ZNF446: variants seen among roughly 807,000 people sequenced by gnomAD.
The protein encoded by ZNF446 is zinc finger protein 446.
In ZNF446, 42 loss-of-function variants were observed where a neutral mutation model predicts 34.0. The observed-to-expected ratio is 1.23, with a 90% CI of 0.96 to 1.60. ZNF446 has a LOEUF of 1.60. Among genes scored for constraint, ZNF446 ranks in the 40% most tolerant of loss-of-function variants. ZNF446 has a pLI of 0.00. For missense variants in ZNF446, 650 were observed against 600.2 expected, an observed-to-expected ratio of 1.08 and a Z score of -0.87; for synonymous variants, 315 against 251.0, an observed-to-expected ratio of 1.25 and a Z score of -2.41.
chr19:58,480,180 TGA>T lies in ZNF446; in HGVS notation c.811_812del (p.Ser271Ter). 6.3e-7 allele frequency: 1 copy of T among 1,591,766 alleles called. No individual in the cohort carries two copies. The highest frequency in any genetic ancestry group is 2.2e-5 in the East Asian group (1 of 44,634). On this transcript the variant is annotated frameshift_variant, in exon 7 of 7. Coordinates refer to ENST00000594369, the MANE Select transcript of ZNF446 (RefSeq NM_017908.4). LOFTEE classifies it low-confidence loss of function (END_TRUNC). The surrounding 1 kb of genome is among the most constrained non-coding windows in gnomAD (Gnocchi z 7.2). ...GVCRSLRSGN[E>X]SEGPPGCPEA... is the part of the protein sequence containing the mutation. ...CTGGTTTGCCCCTGCCCCCAGGAAA[TGA>T]GAGTGAGGGTCCACCTGGCTGCCCA...
At chr19:58,479,808 CTG>C (rs747980355) in intron 5 of ZNF446, 81 bp downstream of exon 5, 2 of 1,498,634 alleles carry the variant, frequency 1.3e-6, no homozygotes, top group Non-Finnish European at 1.8e-6. Flanking sequence ...GGCAGGGCCT[CTG>C]TGCTACCAGC....
At position 58,479,496 on chromosome 19, in the gene ZNF446, A is replaced by C. The variant is rs150738763; in HGVS notation, c.628-147A>C. 3.1e-4 allele frequency: 246 copies of C among 804,340 alleles called. 1 individual carries two copies. The South Asian group carries it at 4.1e-3, about 14-fold the overall frequency. 49.8% of individuals were successfully genotyped at this position (804,340 alleles called of 1,614,324 possible). A position where few individuals can be genotyped will look rare whatever the true frequency, so the allele number is the denominator to read the frequency against. On this transcript the variant is annotated intron_variant, in intron 4 of 6. Coordinates refer to ENST00000594369, the MANE Select transcript of ZNF446 (RefSeq NM_017908.4). Reference sequence around the variant, plus strand: ...TGAAGGAGAACCTCTGCACTTAACAAACACACACCTTGAGATCATTCTCAG... The same window carrying C: ...TGAAGGAGAACCTCTGCACTTAACACACACACACCTTGAGATCATTCTCAG...
chr19:58,489,108 CAG>C, the ZNF446 span, among the ~76,000 whole-genome samples: 1 of 152,210 alleles, frequency 6.6e-6, no homozygotes, highest in Non-Finnish European at 1.5e-5. Flanking sequence ...GTTTAAAACA[CAG>C]AGGATAACAG....
At chr19:58,479,829 G>T in intron 5 of ZNF446, 101 bp from the exon 6 acceptor site, 1 of 1,437,600 alleles carries the variant, frequency 7.0e-7, no homozygotes. Flanking sequence ...GCCCTACCCA[G>T]CTCTCCCACC....
At chr19:58,479,803 G>T (rs770604827) in intron 5 of ZNF446, 76 bp downstream of exon 5, 1 of 1,527,480 alleles carries the variant, frequency 6.5e-7, no homozygotes, top group Non-Finnish European at 9.0e-7. Flanking sequence ...AGCTGGGCAG[G>T]GCCTCTGTGC....
In ZNF446 at chr19:58,478,195, A is replaced by AGTGGGAAGTATAGGCCCCAGGT; in HGVS notation, c.627+18_627+39dup. On this transcript the variant is annotated intron_variant, in intron 4 of 6. Transcript: ENST00000594369. ...CCCAGGATTCAGGTGAGCAGCCCCA[A>AGTGGGAAGTATAGGCCCCAGGT]GTGGGAAGTATAGGCCCCAGGTGTG... 1.9e-6 allele frequency: 3 copies of AGTGGGAAGTATAGGCCCCAGGT among 1,612,116 alleles called. No individual in the cohort carries two copies. The highest frequency in any genetic ancestry group is 2.5e-6 in the Non-Finnish European group (3 of 1,178,792).
In ZNF446 at chr19:58,477,755, CCAG is replaced by C; in HGVS notation, c.462_464del (p.Arg155del). On this transcript the variant is annotated inframe_deletion, in exon 3 of 7. Coordinates refer to ENST00000594369, the MANE Select transcript of ZNF446 (RefSeq NM_017908.4). ...TCCCCTGGGGAAGGTCCCCAGGACACCAGAATAGAGGGGTCTGTCCAGCTCAGC... is the reference window on the plus strand; with the variant it reads ...TCCCCTGGGGAAGGTCCCCAGGACACAATAGAGGGGTCTGTCCAGCTCAGC... 2 of 1,612,106 alleles carry C rather than the reference CCAG, an allele frequency of 1.2e-6. No individual in the cohort carries two copies. Among genetic ancestry groups the C allele is most frequent in the Non-Finnish European group, 1.7e-6 (2 of 1,179,204 alleles).
Position 58,478,107 on chromosome 19 carries a change from G to A in ZNF446, c.553G>A (p.Ala185Thr), listed in dbSNP as rs1416573450. 12 of 1,613,674 alleles carry A rather than the reference G, an allele frequency of 7.4e-6. No individual in the cohort carries two copies. Among genetic ancestry groups the A allele is most frequent in the Non-Finnish European group, 1.0e-5 (12 of 1,179,844 alleles). The change falls in exon 4 of 7, where the codon GCA (alanine) becomes ACA (threonine). Residue 185 changes from alanine (A) to threonine (T), a missense_variant. By Grantham distance (58) the Ala-to-Thr change is moderately conservative (BLOSUM62 0). Coordinates refer to ENST00000594369, the MANE Select transcript of ZNF446 (RefSeq NM_017908.4). ...TTCAGCACCCTCCAGCCCTCCACTT[G>A]CAGCACAGTCCCCTGAGGGGAACCA... Reference protein sequence around the residue: ...QEVAPSSPPLAAQSPEGNHGH... With the variant: ...QEVAPSSPPLTAQSPEGNHGH...
chr19:58,487,271 A>G, the ZNF446 span, among the ~76,000 whole-genome samples: 9 of 151,988 alleles, frequency 5.9e-5, no homozygotes, highest in African/African-American at 2.2e-4. Flanking sequence ...TTTTGTTGAG[A>G]CAGGGTCTCA....
At position 58,480,734 on chromosome 19, in the gene ZNF446, G is replaced by T; in HGVS notation, c.*8G>T. On this transcript the variant is annotated 3_prime_UTR_variant, in exon 7 of 7. Coordinates refer to ENST00000594369, the MANE Select transcript of ZNF446 (RefSeq NM_017908.4). This position sits in a 1 kb window ranked among gnomAD's most constrained non-coding sequence, Gnocchi z 7.2. The stretch of plus-strand genomic sequence containing the variant: ...CGGCCGGAGGTTCCATGAGCAGCCA[G>T]ACAGCACAGTCCCTCGGGGCCTCGG... The T allele has an allele frequency of 1.3e-6, 2 of 1,598,870 alleles. No homozygotes were observed. Among genetic ancestry groups the T allele is most frequent in the South Asian group, 2.2e-5 (2 of 90,936 alleles).
downstream of ZNF446, among the ~76,000 whole-genome samples, chr19:58,481,766 GC>G (rs1333756700): frequency 6.6e-6 from 1 of 151,514 alleles, no homozygotes; most frequent in Admixed American, 6.6e-5. Flanking sequence ...GTCCCACTGG[GC>G]TAAAATCAAG....
At chr19:58,477,894 G>C (rs1360682621) in intron 3 of ZNF446, 68 bp downstream of exon 3, 1 of 1,434,026 alleles carries the variant, frequency 7.0e-7, no homozygotes, top group Admixed American at 2.7e-5. Context: ...GGCTAGGGTG[G>C]GAGTCCCAGG....
At position 58,480,478 on chromosome 19, in the gene ZNF446, G is replaced by T; in HGVS notation, c.1105G>T (p.Glu369Ter). The T allele has an allele frequency of 6.2e-7, 1 of 1,612,952 alleles. No homozygotes were observed. Among genetic ancestry groups the T allele is most frequent in the Non-Finnish European group, 8.5e-7 (1 of 1,179,962 alleles). Residue 369 changes from glutamate (E) to a stop codon, truncating the protein, a stop_gained, in exon 7 of 7, where the codon GAA becomes TAA. Transcript: ENST00000594369. LOFTEE classifies it low-confidence loss of function (END_TRUNC). The surrounding 1 kb of genome is among the most constrained non-coding windows in gnomAD (Gnocchi z 7.2). ...GVQSPGLATG[E>*]STEKPPQGEV... ...GCAGTCCCCGGGGCTAGCCACCGGG[G>T]AAAGCACAGAGAAGCCACCACAAGG...
chr19:58,484,232 T>G (rs2053157400), downstream of ZNF446, among the ~76,000 whole-genome samples: 1 of 146,022 alleles, frequency 6.8e-6, no homozygotes. Flanking sequence ...AGGCCAAGAC[T>G]TTGAGACCAG....
Position 58,477,841 on chromosome 19 carries a change from C to T in ZNF446, c.532+15C>T. The T allele has an allele frequency of 6.6e-7, 1 of 1,523,716 alleles. No individual in the cohort carries two copies. Among genetic ancestry groups the T allele is most frequent in the Non-Finnish European group, 8.8e-7 (1 of 1,138,790 alleles). The allele number at this position is 1,523,716 out of a possible 1,614,324, so 94.4% of individuals were successfully genotyped here. ...ACAGGAAGTGGGTGAGGTTGGGGTCCCACCAGAGATGAGGGACTCCTGGAG... is the reference window on the plus strand; with the variant it reads ...ACAGGAAGTGGGTGAGGTTGGGGTCTCACCAGAGATGAGGGACTCCTGGAG... On this transcript the variant is annotated intron_variant, in intron 3 of 6. Coordinates refer to ENST00000594369, the MANE Select transcript of ZNF446 (RefSeq NM_017908.4).
At chr19:58,481,937 A>G (rs553388854), downstream of ZNF446, among the ~76,000 whole-genome samples, 10 of 152,096 alleles carry the variant, frequency 6.6e-5, no homozygotes, top group South Asian at 2.1e-4. Flanking sequence ...GGGACTACAG[A>G]CACCCGCCAC....
downstream of ZNF446, among the ~76,000 whole-genome samples, chr19:58,481,660 A>G (rs934289867): frequency 1.3e-5 from 2 of 152,352 alleles, no homozygotes; most frequent in South Asian, 2.1e-4. Flanking sequence ...GGACTCGCCA[A>G]TGCACTGTAT....
chr19:58,477,909 G>A, intron 3 of ZNF446, 83 bp downstream of exon 3: 13 of 1,404,220 alleles, frequency 9.3e-6, no homozygotes, highest in Non-Finnish European at 1.1e-5. Context: ...CCCAGGAGAG[G>A]TGTGTCAAGG....
chr19:58,484,827 G>A (rs1450318104), downstream of ZNF446, among the ~76,000 whole-genome samples: 1 of 152,188 alleles, frequency 6.6e-6, no homozygotes, highest in African/African-American at 2.4e-5. Context: ...GGAGGCCAAG[G>A]CAGGGAGATT....
Sources: gnomAD v4.1 joint callset for allele counts (sites outside exome capture counted in the v4.1 genomes callset) on GRCh38, gnomAD v4.1.1 for gene constraint, Gnocchi (gnomAD v3.1) non-coding constraint, MANE v1.5 for transcripts, NCBI Gene and HGNC (gene_info 2026-07-23, HGNC 2026-07-21) for gene names.